CFAP46: variants seen among roughly 807,000 people sequenced by gnomAD.
CFAP46 encodes cilia- and flagella-associated protein 46.
In CFAP46, 245 loss-of-function variants were observed where a neutral mutation model predicts 325.7. The observed-to-expected ratio is 0.75, with a 90% CI of 0.68 to 0.84. CFAP46 has a LOEUF of 0.84. Ranked by LOEUF, CFAP46 falls within the 40% of genes least tolerant of loss-of-function variation. The pLI, the probability that CFAP46 is intolerant of heterozygous loss-of-function variation, is 0.00. For missense variants in CFAP46, 3,346 were observed against 3,543.0 expected, an observed-to-expected ratio of 0.94 and a Z score of 1.41; for synonymous variants, 1,523 against 1,495.9, an observed-to-expected ratio of 1.02 and a Z score of -0.42.
chr10:132,814,986 T>C (rs1193053499), intron 50 of CFAP46, 72 bp from the exon 51 acceptor site: 2 of 1,306,116 alleles, frequency 1.5e-6, no homozygotes, highest in East Asian at 4.6e-5. Flanking sequence ...CACGGTCGGT[T>C]AATTTCATGT....
intron 50 of CFAP46, among the ~76,000 whole-genome samples, chr10:132,822,746 G>A (rs1167631160): frequency 7.0e-6 from 1 of 143,236 alleles, no homozygotes; most frequent in African/African-American, 2.6e-5. Flanking sequence ...GCAGTGATGT[G>A]TGCTGTGTGA....
intron 8 of CFAP46, among the ~76,000 whole-genome samples, chr10:132,934,127 A>G (rs201060375): frequency 6.6e-6 from 1 of 152,230 alleles, no homozygotes; most frequent in East Asian, 1.9e-4. Context: ...TCCCATGGCC[A>G]CCAGAAAACC....
At chr10:132,937,700 G>C in intron 5 of CFAP46, 25 bp from the exon 6 acceptor site, 1 of 1,580,508 alleles carries the variant, frequency 6.3e-7, no homozygotes, top group Non-Finnish European at 8.6e-7. Flanking sequence ...CACACCACTG[G>C]TCAACCTGGT....
In CFAP46 at chr10:132,934,873, T is replaced by C; in HGVS notation, c.756-11A>G. The C allele has an allele frequency of 6.7e-7, 1 of 1,483,182 alleles. No homozygotes were observed. Among genetic ancestry groups the C allele is most frequent in the East Asian group, 2.3e-5 (1 of 44,280 alleles). 91.9% of individuals were successfully genotyped at this position (1,483,182 alleles called of 1,614,324 possible). ...TTTTGCTCCGCTTTTCTAGAAATAATTCAGAGAGTAATTCAGCACAAGATC... is the reference window on the plus strand; with the variant it reads ...TTTTGCTCCGCTTTTCTAGAAATAACTCAGAGAGTAATTCAGCACAAGATC... On this transcript the variant is annotated splice_polypyrimidine_tract_variant and intron_variant, in intron 7 of 57. Transcript: ENST00000368586.
chr10:132,860,413 T>C lies in CFAP46; in HGVS notation c.5198+4A>G. The C allele has an allele frequency of 6.5e-7, 1 of 1,544,594 alleles. No individual in the cohort carries two copies. Among genetic ancestry groups the C allele is most frequent in the South Asian group, 1.2e-5 (1 of 83,878 alleles). On this transcript the variant is annotated splice_donor_region_variant and intron_variant, in intron 37 of 57. Coordinates refer to ENST00000368586, the MANE Select transcript of CFAP46 (RefSeq NM_001200049.3). ...AATGAACAGTGTTTCTTACAAAGAG[T>C]TACCTGGCTTCTAGATCTGTGATCA...
rs1404522952 is a variant in CFAP46, at chr10:132,864,624, G to C, written c.4890+1401C>G. Among the ~76,000 whole-genome samples the C allele has an allele frequency of 4.7e-4, 43 of 90,976 alleles. 1 individual carries two copies. Among genetic ancestry groups the C allele is most frequent in the African/African-American group, 2.4e-3 (42 of 17,320 alleles). 59.7% of individuals were successfully genotyped at this position (90,976 alleles called of 152,430 possible). On this transcript the variant is annotated intron_variant, in intron 35 of 57. Transcript: ENST00000368586. ...CACCTGCCCTCAGTGCCCGAGACTT[G>C]CACACACCTGTCCCCCTGCCTGAGA...
chr10:132,833,556 C>T (rs1848187185), intron 49 of CFAP46, 31 bp from the exon 50 acceptor site: 1 of 1,596,186 alleles, frequency 6.3e-7, no homozygotes, highest in Non-Finnish European at 8.6e-7. Context: ...GAGATCAGCT[C>T]CTGAAGACGG....
chr10:132,873,936 C>A (rs1848928972), intron 31 of CFAP46, among the ~76,000 whole-genome samples: 1 of 152,056 alleles, frequency 6.6e-6, no homozygotes, highest in Admixed American at 6.5e-5. Flanking sequence ...AAAACTGTTA[C>A]AAGAAGAAAC....
In CFAP46 at chr10:132,916,622, C is replaced by CG. The variant is rs1339296916; in HGVS notation, c.2046dup (p.Glu683ArgfsTer13). 1.9e-5 allele frequency: 29 copies of CG among 1,539,690 alleles called. No individual in the cohort carries two copies. Among genetic ancestry groups the CG allele is most frequent in the East Asian group, 2.5e-5 (1 of 40,104 alleles). ...CCAGCTGGGTGCTGGCTCAGGTCTT[C>CG]GGGGGGGATGGCCCGGTCATTCAGC... On this transcript the variant is annotated frameshift_variant, in exon 17 of 58. Coordinates refer to ENST00000368586, the MANE Select transcript of CFAP46 (RefSeq NM_001200049.3). LOFTEE classifies it high-confidence loss of function.
In CFAP46 at chr10:132,847,196, C is replaced by T; in HGVS notation, c.6078G>A (p.Glu2026=). The part of the protein sequence containing the change: ...AAPEEHCRRG[E]DLKRRMVLAQ... The stretch of plus-strand genomic sequence containing the variant: ...GGAGGGGCAGCCGCACCTTCAGGTC[C>T]TCGCCTCTCCTGCAGTGCTCCTCCG... The change falls in exon 42 of 58, where the codon GAG becomes GAA. Residue 2026 remains glutamate, a synonymous_variant. Coordinates refer to ENST00000368586, the MANE Select transcript of CFAP46 (RefSeq NM_001200049.3). This position sits in a 1 kb window ranked among gnomAD's most constrained non-coding sequence, Gnocchi z 5.2. 1 of 1,612,032 alleles carries T rather than the reference C, an allele frequency of 6.2e-7. No individual in the cohort carries two copies. The highest frequency in any genetic ancestry group is 8.5e-7 in the Non-Finnish European group (1 of 1,179,712).
chr10:132,935,760 GC>G (rs1849990503), intron 7 of CFAP46, among the ~76,000 whole-genome samples: 1 of 107,730 alleles, frequency 9.3e-6, no homozygotes. Context: ...ACAGCCCTCA[GC>G]ACCCAAACAC....
intron 50 of CFAP46, among the ~76,000 whole-genome samples, chr10:132,821,144 GTGAGTGCTGATGTGTGCTGTC>G (rs1847806007): frequency 1.1e-5 from 1 of 92,060 alleles, no homozygotes; most frequent in Non-Finnish European, 2.5e-5. Context: ...TGTGTGCTGT[GTGAGTGCTGATGTGTGCTGTC>G]TGTGCGCTGA....
chr10:132,872,607 A>C (rs768089871), intron 32 of CFAP46, 69 bp downstream of exon 32: 133 of 1,511,460 alleles, frequency 8.8e-5, no homozygotes, highest in Non-Finnish European at 1.2e-4. Context: ...CAGAATTAAT[A>C]CCTTAACATG....
At chr10:132,904,989 C>T (rs1849436722) in intron 22 of CFAP46, among the ~76,000 whole-genome samples, 1 of 152,142 alleles carries the variant, frequency 6.6e-6, no homozygotes, top group African/African-American at 2.4e-5. Flanking sequence ...TCACGCCAGC[C>T]TCTCATCTTC....
intron 39 of CFAP46, among the ~76,000 whole-genome samples, chr10:132,854,605 G>A (rs1374934050): frequency 2.6e-5 from 4 of 152,066 alleles, no homozygotes; most frequent in Non-Finnish European, 5.9e-5. Flanking sequence ...CCAAAGTGAC[G>A]GGATTACACG....
intron 50 of CFAP46, among the ~76,000 whole-genome samples, chr10:132,821,663 G>C (rs1847835042): frequency 7.2e-6 from 1 of 139,492 alleles, no homozygotes; most frequent in Non-Finnish European, 1.5e-5. Flanking sequence ...GATGTGTGCT[G>C]TGTGTGCTGT....
intron 50 of CFAP46, among the ~76,000 whole-genome samples, chr10:132,823,927 G>A (rs1847961436): frequency 7.1e-6 from 1 of 140,282 alleles, no homozygotes; most frequent in African/African-American, 2.7e-5. Context: ...GTGTGTGTGT[G>A]CTGATGTGTG....
At position 132,889,165 on chromosome 10, in the gene CFAP46, C is replaced by T. The variant is rs1323730387; in HGVS notation, c.3304+3168G>A. On this transcript the variant is annotated intron_variant, in intron 25 of 57. Coordinates refer to ENST00000368586, the MANE Select transcript of CFAP46 (RefSeq NM_001200049.3). The surrounding 1 kb of genome is among the most constrained non-coding windows in gnomAD (Gnocchi z 6.0). Reference sequence around the variant, plus strand: ...CAGTGCTGAGGGCTGGAGTCCGTGTCATCCTGCACCAGCCCCGTCATGCTA... The same window carrying T: ...CAGTGCTGAGGGCTGGAGTCCGTGTTATCCTGCACCAGCCCCGTCATGCTA... Among the ~76,000 whole-genome samples the T allele has an allele frequency of 1.3e-5, 2 of 152,244 alleles. No individual in the cohort carries two copies. The highest frequency in any genetic ancestry group is 2.1e-4 in the South Asian group (1 of 4,828).
At chr10:132,837,261 C>T (rs114471525) in intron 44 of CFAP46, among the ~76,000 whole-genome samples, 5,308 of 152,354 alleles carry the variant, frequency 0.035, 180 homozygotes, top group African/African-American at 0.088. Flanking sequence ...TGGTGCCTTT[C>T]CCTCCATCCT....
Sources: allele counts gnomAD v4.1 joint callset (sites outside exome capture counted in the v4.1 genomes callset), GRCh38; gene constraint gnomAD v4.1.1; non-coding constraint Gnocchi (gnomAD v3.1); transcripts MANE v1.5; gene names NCBI Gene and HGNC (gene_info 2026-07-23, HGNC 2026-07-21).